The following COL21A1 variants were observed in gnomAD, a reference collection of about 807,000 sequenced individuals.
COL21A1 encodes collagen type XXI alpha 1 chain, also known as collagen alpha-1(XXI) chain.
A neutral mutation model predicts 137.9 loss-of-function variants in COL21A1; 149 were observed. The observed-to-expected ratio is 1.08, with a 90% CI of 0.95 to 1.24. The LOEUF (loss-of-function observed/expected upper bound fraction) is 1.24. COL21A1 is among the 50% of genes most tolerant of loss of function. COL21A1 has a pLI of 0.00. For missense variants in COL21A1, 1,167 were observed against 1,158.4 expected (o/e 1.01, Z -0.11); for synonymous variants, 456 against 391.5 (o/e 1.16, Z -1.95).
intron 17 of COL21A1, among the ~76,000 whole-genome samples, chr6:56,097,703 C>A (rs1769478550): frequency 7.0e-6 from 1 of 142,444 alleles, no homozygotes; most frequent in African/African-American, 2.6e-5. Context: ...GAGAAACAAG[C>A]AGCCATGGGA....
chr6:56,194,837 T>TG (rs1778920591), intron 1 of COL21A1, among the ~76,000 whole-genome samples: 1 of 151,922 alleles, frequency 6.6e-6, no homozygotes, highest in African/African-American at 2.4e-5. Flanking sequence ...GTTTGTCCCC[T>TG]CAAAATTCAT....
chr6:56,216,270 C>T (rs1043938697), intron 1 of COL21A1, among the ~76,000 whole-genome samples: 1 of 152,036 alleles, frequency 6.6e-6, no homozygotes, highest in Non-Finnish European at 1.5e-5. Context: ...ACCAAGCCAA[C>T]TCAGATACAT....
chr6:56,270,073 C>T (rs924249551), intron 1 of COL21A1, among the ~76,000 whole-genome samples: 1 of 152,210 alleles, frequency 6.6e-6, no homozygotes, highest in African/African-American at 2.4e-5. Context: ...TAAAATTTCA[C>T]ATATCAATAC....
At chr6:56,151,860 C>T (rs1184328750) in intron 10 of COL21A1, among the ~76,000 whole-genome samples, 2 of 152,312 alleles carry the variant, frequency 1.3e-5, no homozygotes, top group East Asian at 3.9e-4. Context: ...TTTTGGCTCC[C>T]AGGCTTGCTT....
chr6:56,193,256 C>A (rs745634619), intron 1 of COL21A1, among the ~76,000 whole-genome samples: 2 of 151,850 alleles, frequency 1.3e-5, no homozygotes. Flanking sequence ...CATTTGTATA[C>A]CTATGTAACA....
intron 1 of COL21A1, among the ~76,000 whole-genome samples, chr6:56,360,158 A>C (rs971939096): frequency 1.2e-4 from 18 of 152,218 alleles, no homozygotes; most frequent in Non-Finnish European, 1.9e-4. Flanking sequence ...GACTACTAAA[A>C]GTGACAGGGG....
At chr6:56,099,764 G>A (rs1770281829) in intron 17 of COL21A1, among the ~76,000 whole-genome samples, 1 of 151,908 alleles carries the variant, frequency 6.6e-6, no homozygotes, top group Non-Finnish European at 1.5e-5. Context: ...CAGTTACCAA[G>A]TCTCATAATT....
At chr6:56,116,893 A>C (rs770929184) in intron 16 of COL21A1, among the ~76,000 whole-genome samples, 2 of 152,058 alleles carry the variant, frequency 1.3e-5, no homozygotes, top group Non-Finnish European at 2.9e-5. Context: ...TTATCAGTTT[A>C]AAATAATGGG....
At chr6:56,289,039 T>C (rs552300040) in intron 1 of COL21A1, among the ~76,000 whole-genome samples, 3 of 152,320 alleles carry the variant, frequency 2.0e-5, no homozygotes, top group Admixed American at 6.5e-5. Flanking sequence ...CTTGGTCATA[T>C]TAACTTTAAA....
chr6:56,213,397 G>A (rs1362855581), intron 1 of COL21A1, among the ~76,000 whole-genome samples: 2 of 151,740 alleles, frequency 1.3e-5, no homozygotes. Flanking sequence ...TAATTGCTTT[G>A]TGTGGAGGGA....
chr6:56,206,310 C>CAA (rs1436695741), intron 1 of COL21A1, among the ~76,000 whole-genome samples: 3 of 65,280 alleles, frequency 4.6e-5, no homozygotes, highest in Non-Finnish European at 6.7e-5. Context: ...AAATGGAAAG[C>CAA]AAAAAAAAAA....
intron 1 of COL21A1, among the ~76,000 whole-genome samples, chr6:56,299,363 A>G (rs1764231267): frequency 6.6e-6 from 1 of 152,160 alleles, no homozygotes; most frequent in Non-Finnish European, 1.5e-5. Context: ...ATTTCAAGTC[A>G]TATCTTTAAG....
rs1329281555 is a variant in COL21A1 at position 56,081,735 on chromosome 6, T to C, written c.1813-4162A>G. Among the ~76,000 whole-genome samples, 3 of 151,910 alleles carry C rather than the reference T, an allele frequency of 2.0e-5. No individual in the cohort carries two copies. The Admixed American group carries it at 2.0e-4, about 10-fold the overall frequency. On this transcript the variant is annotated intron_variant, in intron 17 of 29. Coordinates refer to ENST00000244728, the MANE Select transcript of COL21A1 (RefSeq NM_030820.4). ...AGTTTTCTATTCCCATATTATGCTG[T>C]AATTAATCTTTAAGGAAAAAAAATC...
Position 56,057,603 on chromosome 6 carries a change from C to A in COL21A1, c.*54G>T. 6.4e-7 allele frequency: 1 copy of A among 1,550,394 alleles called. No individual in the cohort carries two copies. Among genetic ancestry groups the A allele is most frequent in the South Asian group, 1.1e-5 (1 of 88,314 alleles). Reference sequence around the variant, plus strand: ...TACTGTTGGTTATCTTCCTGAGATGCAAAAGACCACAGAAAAAGCACCATG... The same window carrying A: ...TACTGTTGGTTATCTTCCTGAGATGAAAAAGACCACAGAAAAAGCACCATG... On this transcript the variant is annotated 3_prime_UTR_variant, in exon 30 of 30. Transcript: ENST00000244728.
intron 17 of COL21A1, among the ~76,000 whole-genome samples, chr6:56,080,147 G>A (rs185913385): frequency 6.6e-6 from 1 of 151,840 alleles, no homozygotes; most frequent in Admixed American, 6.6e-5. Context: ...ACAGTTTGTT[G>A]ATCGCAAAGT....
intron 1 of COL21A1, among the ~76,000 whole-genome samples, chr6:56,255,247 G>A (rs1782938064): frequency 6.6e-6 from 1 of 151,708 alleles, no homozygotes; most frequent in Non-Finnish European, 1.5e-5. Context: ...GGAATAAATG[G>A]TCTTCTAAAT....
At chr6:56,091,589 A>G (rs1430916202) in intron 17 of COL21A1, 2 of 152,534 alleles carry the variant, frequency 1.3e-5, no homozygotes, top group African/African-American at 4.8e-5. Context: ...CCTGCCTACA[A>G]ATTTTCACTG....
chr6:56,201,564 C>A (rs1341392389), intron 1 of COL21A1, among the ~76,000 whole-genome samples: 2 of 152,118 alleles, frequency 1.3e-5, no homozygotes, highest in African/African-American at 4.8e-5. Context: ...AATAGGGAAT[C>A]CTTTCCCCAT....
chr6:56,068,454 A>C (rs1399331566), intron 22 of COL21A1, among the ~76,000 whole-genome samples: 1 of 151,108 alleles, frequency 6.6e-6, no homozygotes, highest in Non-Finnish European at 1.5e-5. Context: ...TATACATACA[A>C]GTCAAGTTTC....
Sources: gnomAD v4.1 joint callset for allele counts (sites outside exome capture counted in the v4.1 genomes callset) on GRCh38, gnomAD v4.1.1 for gene constraint, MANE v1.5 for transcripts, NCBI Gene and HGNC (gene_info 2026-07-23, HGNC 2026-07-21) for gene names.